Variants in ENTREP2 observed in about 807,000 individuals in gnomAD.
ENTREP2 encodes the protein endosomal transmembrane epsin interactor 2.
At chr15:29,176,753 G>T in the ENTREP2 span, among the ~76,000 whole-genome samples, 1 of 152,166 alleles carries the variant, frequency 6.6e-6, no homozygotes, top group Non-Finnish European at 1.5e-5. Context: ...CCTCCAGGTC[G>T]CCAGGCTTTG....
chr15:29,125,856 G>A, the ENTREP2 span, among the ~76,000 whole-genome samples: 1 of 152,212 alleles, frequency 6.6e-6, no homozygotes, highest in Non-Finnish European at 1.5e-5. Context: ...GAGCCAAGCT[G>A]CCTGGGAAAT....
the ENTREP2 span, among the ~76,000 whole-genome samples, chr15:29,394,701 CT>C: frequency 6.6e-6 from 1 of 152,044 alleles, no homozygotes; most frequent in African/African-American, 2.4e-5. Flanking sequence ...AAAATTAAAA[CT>C]TTGTATCCAT....
chr15:29,338,753 T>G, the ENTREP2 span, among the ~76,000 whole-genome samples: 1 of 152,170 alleles, frequency 6.6e-6, no homozygotes, highest in Admixed American at 6.5e-5. Context: ...CTGGTTTTCT[T>G]TTAATAAAAA....
At chr15:29,235,332 C>CT in the ENTREP2 span, among the ~76,000 whole-genome samples, 3 of 152,108 alleles carry the variant, frequency 2.0e-5, no homozygotes, top group Non-Finnish European at 4.4e-5. Context: ...CTTCTTTTAC[C>CT]TTTTTTTGCT....
chr15:29,641,972 G>C, the ENTREP2 span, among the ~76,000 whole-genome samples: 1 of 151,892 alleles, frequency 6.6e-6, no homozygotes, highest in African/African-American at 2.4e-5. Flanking sequence ...TGTTGAAAGA[G>C]ATTAAAGAAA....
At chr15:29,345,556 G>A in the ENTREP2 span, among the ~76,000 whole-genome samples, 1 of 152,134 alleles carries the variant, frequency 6.6e-6, no homozygotes, top group Non-Finnish European at 1.5e-5. Flanking sequence ...AAACAATTAG[G>A]GGGAATGGGA....
chr15:29,594,217 A>G, the ENTREP2 span, among the ~76,000 whole-genome samples: 2 of 152,280 alleles, frequency 1.3e-5, no homozygotes, highest in Admixed American at 6.5e-5. Flanking sequence ...GATAGGGAGG[A>G]TAAGTTGTGG....
chr15:29,617,728 T>C, the ENTREP2 span, among the ~76,000 whole-genome samples: 4 of 152,192 alleles, frequency 2.6e-5, no homozygotes, highest in South Asian at 2.1e-4. Context: ...TGGGTGGACA[T>C]TGGGCAGGAG....
At chr15:29,597,994 C>T in the ENTREP2 span, among the ~76,000 whole-genome samples, 1 of 152,036 alleles carries the variant, frequency 6.6e-6, no homozygotes, top group Non-Finnish European at 1.5e-5. Flanking sequence ...TCATGGCATG[C>T]ACCGTGTAGT....
At chr15:29,294,982 T>C in the ENTREP2 span, among the ~76,000 whole-genome samples, 1 of 152,006 alleles carries the variant, frequency 6.6e-6, no homozygotes, top group East Asian at 1.9e-4. Context: ...GCTGCAAGGA[T>C]GGAGGGGGAT....
chr15:29,325,902 GATTT>G, the ENTREP2 span, among the ~76,000 whole-genome samples: 4 of 152,070 alleles, frequency 2.6e-5, no homozygotes, highest in Admixed American at 6.6e-5. Context: ...AACCCAATGG[GATTT>G]ATTATAAGTA....
chr15:29,131,984 C>A, the ENTREP2 span, among the ~76,000 whole-genome samples: 3 of 72,000 alleles, frequency 4.2e-5, no homozygotes, highest in Non-Finnish European at 6.0e-5. Context: ...GTCACCCATG[C>A]GAGTGCTCAC....
chr15:29,209,760 T>C, the ENTREP2 span, among the ~76,000 whole-genome samples: 1 of 152,128 alleles, frequency 6.6e-6, no homozygotes. Flanking sequence ...CTCCCTCTGC[T>C]CTCGGGGACT....
the ENTREP2 span, among the ~76,000 whole-genome samples, chr15:29,546,114 T>A: frequency 6.6e-6 from 1 of 152,210 alleles, no homozygotes; most frequent in African/African-American, 2.4e-5. Flanking sequence ...AGACTTCTGA[T>A]ATGACACATT....
At chr15:29,605,001 T>G in the ENTREP2 span, among the ~76,000 whole-genome samples, 1 of 152,210 alleles carries the variant, frequency 6.6e-6, no homozygotes. Flanking sequence ...AAAGGCAGGC[T>G]AACCTCAAAC....
At chr15:29,385,482 A>G in the ENTREP2 span, among the ~76,000 whole-genome samples, 2 of 152,230 alleles carry the variant, frequency 1.3e-5, no homozygotes, top group Admixed American at 6.5e-5. Flanking sequence ...GCAAAAGAAT[A>G]AAGCCATTAA....
At chr15:29,329,962 CCTT>C in the ENTREP2 span, among the ~76,000 whole-genome samples, 1 of 152,186 alleles carries the variant, frequency 6.6e-6, no homozygotes, top group Non-Finnish European at 1.5e-5. Context: ...ATTCCCCACT[CCTT>C]AAGTGGAGGC....
chr15:29,540,497 T>C, the ENTREP2 span, among the ~76,000 whole-genome samples: 16 of 152,242 alleles, frequency 1.1e-4, no homozygotes, highest in African/African-American at 3.4e-4. Flanking sequence ...GAAACTCTTC[T>C]TAGGCATCAC....
the ENTREP2 span, chr15:29,234,405 T>G: frequency 1.9e-6 from 3 of 1,540,142 alleles, no homozygotes; most frequent in South Asian, 2.2e-5. Context: ...TGGGAAGCAA[T>G]AAAATGGGCA....
Sources: allele counts gnomAD v4.1 joint callset (sites outside exome capture counted in the v4.1 genomes callset), GRCh38; gene constraint gnomAD v4.1.1; transcripts MANE v1.5; gene names NCBI Gene and HGNC (gene_info 2026-07-23, HGNC 2026-07-21).